The following ZNF148 variants were observed in gnomAD, a reference collection of about 807,000 sequenced individuals.
ZNF148 encodes the protein zinc finger protein 148, also known as Beta-Enolase Repressor Factor-1.
In ZNF148, 7 loss-of-function variants were observed where a neutral mutation model predicts 67.7. The observed-to-expected ratio is 0.10, with a 90% CI of 0.06 to 0.19. The LOEUF is 0.19. ZNF148 is among the 10% of genes least tolerant of loss of function. ZNF148 has a pLI of 1.00. For missense variants in ZNF148, 583 were observed against 947.1 expected (o/e 0.62, Z 5.05); for synonymous variants, 333 against 330.7 (o/e 1.01, Z -0.08).
intron 4 of ZNF148, among the ~76,000 whole-genome samples, chr3:125,313,005 T>C (rs1256817845): frequency 6.6e-6 from 1 of 152,186 alleles, no homozygotes; most frequent in Non-Finnish European, 1.5e-5. Context: ...ATTCAAATGT[T>C]TTACTCTTTA....
At chr3:125,319,065 C>CTG (rs1940653088) in intron 3 of ZNF148, among the ~76,000 whole-genome samples, 6 of 152,056 alleles carry the variant, frequency 3.9e-5, no homozygotes, top group African/African-American at 1.4e-4. Context: ...TGTGTAAAAG[C>CTG]CTAACTGCAG....
intron 1 of ZNF148, among the ~76,000 whole-genome samples, chr3:125,340,070 A>G (rs1005526109): frequency 6.6e-6 from 1 of 152,204 alleles, no homozygotes; most frequent in African/African-American, 2.4e-5. Flanking sequence ...CAAAGGTGGT[A>G]AAAAGGCAGT....
intron 5 of ZNF148, among the ~76,000 whole-genome samples, chr3:125,283,659 A>G (rs867871487): frequency 1.6e-4 from 24 of 152,132 alleles, no homozygotes; most frequent in African/African-American, 5.1e-4. Flanking sequence ...TCCGTCTTAT[A>G]ATCAGTTCAT....
chr3:125,278,132 A>T (rs190825098), intron 6 of ZNF148, among the ~76,000 whole-genome samples: 5 of 152,278 alleles, frequency 3.3e-5, no homozygotes, highest in African/African-American at 4.8e-5. Flanking sequence ...CACGTGTCCT[A>T]AACATCTTTT....
chr3:125,340,585 A>C (rs1579847452), intron 1 of ZNF148, among the ~76,000 whole-genome samples: 1 of 152,156 alleles, frequency 6.6e-6, no homozygotes, highest in African/African-American at 2.4e-5. Context: ...GATCAAACAA[A>C]CCAAGTAGAC....
chr3:125,318,719 A>T (rs1281572455), intron 3 of ZNF148, among the ~76,000 whole-genome samples: 1 of 152,218 alleles, frequency 6.6e-6, no homozygotes, highest in Non-Finnish European at 1.5e-5. Flanking sequence ...TAATTCAGCT[A>T]AGAGTGAGAG....
intron 4 of ZNF148, among the ~76,000 whole-genome samples, chr3:125,309,115 T>C (rs1940057746): frequency 6.6e-6 from 1 of 152,104 alleles, no homozygotes; most frequent in African/African-American, 2.4e-5. Context: ...CAAAAAAACT[T>C]CCCAGGATTA....
intron 4 of ZNF148, among the ~76,000 whole-genome samples, chr3:125,304,446 T>C (rs1939766169): frequency 6.6e-6 from 1 of 152,070 alleles, no homozygotes; most frequent in African/African-American, 2.4e-5. Flanking sequence ...CTAGTTCAAG[T>C]TGTCAAAGCA....
At chr3:125,264,613 C>CA (rs1294610715) in intron 7 of ZNF148, among the ~76,000 whole-genome samples, 1 of 152,028 alleles carries the variant, frequency 6.6e-6, no homozygotes, top group Non-Finnish European at 1.5e-5. Flanking sequence ...AGAGTTCCAT[C>CA]AAAAAAAGTT....
At chr3:125,310,780 A>C (rs1363334414) in intron 4 of ZNF148, 1 of 152,874 alleles carries the variant, frequency 6.5e-6, no homozygotes, top group East Asian at 1.9e-4. Flanking sequence ...AAGATGAAAA[A>C]GTTCTAGAGA....
intron 2 of ZNF148, among the ~76,000 whole-genome samples, chr3:125,329,569 G>A (rs1010098142): frequency 6.6e-6 from 1 of 151,662 alleles, no homozygotes; most frequent in African/African-American, 2.4e-5. Flanking sequence ...TGTTGGCCAA[G>A]CTAGTCTCGA....
At chr3:125,320,325 A>T (rs1460848445) in intron 3 of ZNF148, among the ~76,000 whole-genome samples, 1 of 152,236 alleles carries the variant, frequency 6.6e-6, no homozygotes, top group Non-Finnish European at 1.5e-5. Flanking sequence ...TGTACATTTT[A>T]AAATGAAAAC....
intron 7 of ZNF148, among the ~76,000 whole-genome samples, chr3:125,250,093 T>C (rs1936774829): frequency 6.6e-6 from 1 of 152,166 alleles, no homozygotes; most frequent in Non-Finnish European, 1.5e-5. Context: ...TGGAGATATA[T>C]AGCATGGGAC....
At chr3:125,337,503 A>C (rs1051461417) in intron 1 of ZNF148, among the ~76,000 whole-genome samples, 1 of 152,190 alleles carries the variant, frequency 6.6e-6, no homozygotes. Flanking sequence ...TTTAATTCTT[A>C]CATAAGTTTT....
Position 125,232,821 on chromosome 3 carries a change from C to G in ZNF148, c.1905G>C (p.Gln635His). ...AGAATGCTGGCTGATTTGGGAGGGT[C>G]TGGTTATCAGTCACAAAGTTAAGGC... ...SPSLNFVTDN[Q>H]TLPNQPAFSS... The change falls in exon 9 of 9, where the codon CAG becomes CAC. Residue 635 changes from glutamine to histidine, a missense_variant. Gln to His is a conservative substitution (Grantham distance 24, BLOSUM62 0). Around this residue, in one of 5 missense-constraint regions of ZNF148, gnomAD observed 158 missense variants for 208.4 expected, o/e 0.76. Coordinates refer to ENST00000360647, the MANE Select transcript of ZNF148 (RefSeq NM_021964.3). The surrounding 1 kb of genome is among the most constrained non-coding windows in gnomAD (Gnocchi z 4.2). 1 of 1,613,780 alleles carries G rather than the reference C, an allele frequency of 6.2e-7. No individual in the cohort carries two copies. The highest frequency in any genetic ancestry group is 8.5e-7 in the Non-Finnish European group (1 of 1,179,798).
intron 1 of ZNF148, among the ~76,000 whole-genome samples, chr3:125,336,677 C>T (rs1055087508): frequency 1.4e-4 from 13 of 95,328 alleles, no homozygotes; most frequent in Admixed American, 3.8e-4. Context: ...CAGAAATCAC[C>T]TTTTTTTTTT....
intron 7 of ZNF148, among the ~76,000 whole-genome samples, chr3:125,255,241 T>C (rs1268911935): frequency 7.8e-6 from 1 of 128,962 alleles, no homozygotes; most frequent in African/African-American, 3.1e-5. Context: ...ACCTGCTTTT[T>C]TTTTTTTTTT....
At chr3:125,346,242 A>G (rs1941937003) in intron 1 of ZNF148, among the ~76,000 whole-genome samples, 1 of 152,272 alleles carries the variant, frequency 6.6e-6, no homozygotes, top group South Asian at 2.1e-4. Context: ...AGATCATCTT[A>G]GATGAAGAAA....
At chr3:125,353,584 C>A (rs757786819) in intron 1 of ZNF148, among the ~76,000 whole-genome samples, 46 of 151,852 alleles carry the variant, frequency 3.0e-4, no homozygotes, top group Non-Finnish European at 6.2e-4. Context: ...TTTGCCACTT[C>A]CTGTGAGTCT....
Sources: allele counts gnomAD v4.1 joint callset (sites outside exome capture counted in the v4.1 genomes callset), GRCh38; gene constraint gnomAD v4.1.1; regional missense constraint gnomAD v4.1.1; non-coding constraint Gnocchi (gnomAD v3.1); transcripts MANE v1.5; gene names NCBI Gene and HGNC (gene_info 2026-07-23, HGNC 2026-07-21).